KCNMA1: variants seen among roughly 807,000 people sequenced by gnomAD.
KCNMA1 encodes potassium calcium-activated channel subfamily M alpha 1.
KCNMA1 carries 29 observed loss-of-function variants against 140.0 expected under a neutral mutation model. The ratio of observed to expected loss-of-function variants is 0.21; its 90% CI spans 0.15 to 0.28. The LOEUF (loss-of-function observed/expected upper bound fraction) is 0.28, where lower values mean the gene tolerates loss of function less well. KCNMA1 is among the 10% of genes least tolerant of loss of function. KCNMA1 has a pLI of 1.00. For synonymous variants in KCNMA1, 612 were observed against 611.9 expected (o/e 1.00, Z 0.00); for missense variants, 880 against 1,602.2 (o/e 0.55, Z 7.70).
At chr10:76,964,136 C>A (rs1006564150) in intron 20 of KCNMA1, among the ~76,000 whole-genome samples, 1 of 151,862 alleles carries the variant, frequency 6.6e-6, no homozygotes, top group Non-Finnish European at 1.5e-5. Flanking sequence ...CCCGAGACAC[C>A]ACTGCCCACC....
intron 1 of KCNMA1, among the ~76,000 whole-genome samples, chr10:77,455,339 C>T (rs2097742734): frequency 1.3e-5 from 2 of 152,254 alleles, no homozygotes; most frequent in East Asian, 1.9e-4. Flanking sequence ...TAGACCCAAG[C>T]CTCTCCTGGC....
intron 2 of KCNMA1, among the ~76,000 whole-genome samples, chr10:77,314,895 A>G (rs1277239847): frequency 6.6e-6 from 1 of 150,866 alleles, no homozygotes; most frequent in Admixed American, 6.7e-5. Flanking sequence ...ACTTTACAAC[A>G]TGGTTCAGAA....
chr10:77,420,780 G>C (rs891727862), intron 1 of KCNMA1, among the ~76,000 whole-genome samples: 3 of 152,172 alleles, frequency 2.0e-5, no homozygotes, highest in African/African-American at 7.2e-5. Flanking sequence ...CAGGAGGGAG[G>C]CCAAGCATCA....
At chr10:77,095,993 GA>G (rs1172511491) in intron 9 of KCNMA1, among the ~76,000 whole-genome samples, 3 of 152,212 alleles carry the variant, frequency 2.0e-5, no homozygotes, top group African/African-American at 7.2e-5. Flanking sequence ...AGTAGCCTTT[GA>G]AAAGGGAAAC....
rs369204197 is a variant in KCNMA1, at chr10:76,981,772, C to T, written c.2267-11705G>A. On this transcript the variant is annotated intron_variant, in intron 19 of 27. Coordinates refer to ENST00000286628, the MANE Select transcript of KCNMA1 (RefSeq NM_001161352.2). The stretch of plus-strand genomic sequence containing the variant: ...ATCCCCTGGCACTTCTGATCTCATG[C>T]CTTGCATTATTATAATTTGTGTTCA... Among the ~76,000 whole-genome samples the T allele has an allele frequency of 4.6e-5, 7 of 152,182 alleles. No individual in the cohort carries two copies. In the East Asian group the frequency reaches 1.2e-3, roughly 25 times the overall value.
chr10:77,622,264 C>T (rs933471947), intron 1 of KCNMA1, among the ~76,000 whole-genome samples: 1 of 152,220 alleles, frequency 6.6e-6, no homozygotes, highest in Non-Finnish European at 1.5e-5. Context: ...TGTCAAGGGA[C>T]CTCACATCTC....
intron 5 of KCNMA1, among the ~76,000 whole-genome samples, chr10:77,165,518 C>T (rs940098785): frequency 2.6e-5 from 4 of 152,008 alleles, no homozygotes; most frequent in Non-Finnish European, 5.9e-5. Context: ...GTCAAAAGAC[C>T]GAAGGAAAAT....
chr10:77,521,579 G>T lies in KCNMA1; in HGVS notation c.378+115686C>A, dbSNP rs555201390. Among the ~76,000 whole-genome samples the T allele has an allele frequency of 2.0e-5, 3 of 152,370 alleles. No homozygotes were observed. In the East Asian group the frequency reaches 5.8e-4, roughly 29 times the overall value. ...TAACAGAGAACCTCTTTGGAGATCT[G>T]CTGTAAGGATCGGACAAGTAAAAAG... is the stretch of plus-strand genomic sequence containing the variant. On this transcript the variant is annotated intron_variant, in intron 1 of 27. Coordinates refer to ENST00000286628, the MANE Select transcript of KCNMA1 (RefSeq NM_001161352.2).
At chr10:77,561,234 G>T (rs896114802) in intron 1 of KCNMA1, among the ~76,000 whole-genome samples, 3 of 152,236 alleles carry the variant, frequency 2.0e-5, no homozygotes, top group Non-Finnish European at 4.4e-5. Flanking sequence ...TCCCTGGATG[G>T]TATAGTAGTT....
intron 1 of KCNMA1, among the ~76,000 whole-genome samples, chr10:77,540,387 T>G (rs986652504): frequency 6.6e-6 from 1 of 152,266 alleles, no homozygotes. Flanking sequence ...TATAACATTT[T>G]ACAAATGAGC....
intron 1 of KCNMA1, among the ~76,000 whole-genome samples, chr10:77,524,150 T>C (rs1364775368): frequency 6.6e-6 from 1 of 152,214 alleles, no homozygotes; most frequent in Non-Finnish European, 1.5e-5. Flanking sequence ...ATTTCTCACA[T>C]GGAAACTTAT....
intron 1 of KCNMA1, among the ~76,000 whole-genome samples, chr10:77,526,683 TTC>T (rs2055809792): frequency 6.6e-6 from 1 of 152,208 alleles, no homozygotes; most frequent in Non-Finnish European, 1.5e-5. Context: ...TGAAACTGAA[TTC>T]TCTGTTGTGT....
chr10:77,062,399 C>T (rs1020048567), intron 14 of KCNMA1, among the ~76,000 whole-genome samples: 5 of 152,180 alleles, frequency 3.3e-5, no homozygotes, highest in Non-Finnish European at 4.4e-5. Flanking sequence ...CTACCTAACC[C>T]GTCCGGATCT....
chr10:77,205,272 A>C (rs2043717535), intron 3 of KCNMA1, among the ~76,000 whole-genome samples: 1 of 152,196 alleles, frequency 6.6e-6, no homozygotes. Context: ...AGCTGGACCT[A>C]AACTTGACAC....
At chr10:77,127,432 A>T (rs2097766066) in intron 5 of KCNMA1, among the ~76,000 whole-genome samples, 1 of 152,150 alleles carries the variant, frequency 6.6e-6, no homozygotes, top group African/African-American at 2.4e-5. Flanking sequence ...CAATTCAGAC[A>T]TTAGGACTCA....
At chr10:76,951,943 C>T in intron 21 of KCNMA1, 2 of 1,214,664 alleles carry the variant, frequency 1.6e-6, no homozygotes, top group Non-Finnish European at 2.3e-6. Context: ...GATTGCATCT[C>T]CAGTAACTAG....
intron 14 of KCNMA1, among the ~76,000 whole-genome samples, chr10:77,057,080 A>T (rs1418604841): frequency 6.6e-6 from 1 of 152,184 alleles, no homozygotes; most frequent in Non-Finnish European, 1.5e-5. Flanking sequence ...GAAGAATCTC[A>T]ATGAACTCCA....
chr10:76,999,033 C>A (rs1015561928), intron 19 of KCNMA1, among the ~76,000 whole-genome samples: 7 of 152,216 alleles, frequency 4.6e-5, no homozygotes, highest in Admixed American at 1.3e-4. Flanking sequence ...AAGGCTTCAA[C>A]ACGCAGCCCA....
chr10:77,376,210 T>A (rs950208758), intron 2 of KCNMA1, among the ~76,000 whole-genome samples: 1 of 152,168 alleles, frequency 6.6e-6, no homozygotes, highest in East Asian at 1.9e-4. Flanking sequence ...GGCTGCCGTG[T>A]CCCACTCAGG....
Sources: allele counts gnomAD v4.1 joint callset (sites outside exome capture counted in the v4.1 genomes callset), GRCh38; gene constraint gnomAD v4.1.1; transcripts MANE v1.5; gene names NCBI Gene and HGNC (gene_info 2026-07-23, HGNC 2026-07-21).